Variants in PHF20L1 observed in about 807,000 individuals in gnomAD.
PHF20L1 encodes the protein PHD finger protein 20 like 1.
A neutral mutation model predicts 125.5 loss-of-function variants in PHF20L1; 44 were observed. That is an observed-to-expected ratio of 0.35 (90% CI 0.28 to 0.45). PHF20L1 has a LOEUF of 0.45. PHF20L1 is among the 20% of genes least tolerant of loss of function. PHF20L1 has a pLI of 1.00. For missense variants in PHF20L1, 1,012 were observed against 1,217.2 expected (o/e 0.83, Z 2.51); for synonymous variants, 380 against 403.1 (o/e 0.94, Z 0.69).
At chr8:132,821,523 T>G (rs1835594490) in intron 12 of PHF20L1, among the ~76,000 whole-genome samples, 1 of 151,938 alleles carries the variant, frequency 6.6e-6, no homozygotes, top group African/African-American at 2.4e-5. Context: ...TGTTTTTCAG[T>G]TTATTTTCCA....
intron 6 of PHF20L1, among the ~76,000 whole-genome samples, chr8:132,800,399 G>C (rs769970421): frequency 1.3e-5 from 2 of 151,464 alleles, no homozygotes; most frequent in Non-Finnish European, 3.0e-5. Flanking sequence ...TTGTAGAATT[G>C]TGTTTTATAA....
chr8:132,830,961 C>T lies in PHF20L1; in HGVS notation c.1745-1274C>T, dbSNP rs182173284. ...ATCTTGATAATGCCGTCTTAGCTCT[C>T]GGCCTCCAGTCTATAACAGCACTCC... On this transcript the variant is annotated intron_variant, in intron 14 of 20. Transcript: ENST00000395386. Among the ~76,000 whole-genome samples the T allele has an allele frequency of 1.5e-4, 23 of 152,152 alleles. 1 individual carries two copies. The highest frequency in any genetic ancestry group is 1.1e-3 in the Admixed American group (17 of 15,266).
intron 2 of PHF20L1, among the ~76,000 whole-genome samples, chr8:132,781,025 T>A (rs934494766): frequency 6.6e-6 from 1 of 151,934 alleles, no homozygotes; most frequent in Non-Finnish European, 1.5e-5. Context: ...AAAAAAAAAT[T>A]TTTTTTGTAG....
intron 20 of PHF20L1, among the ~76,000 whole-genome samples, chr8:132,845,218 T>G (rs1170496762): frequency 6.6e-6 from 1 of 152,134 alleles, no homozygotes; most frequent in Non-Finnish European, 1.5e-5. Context: ...TATAATCAAT[T>G]GCATTCTGCC....
intron 18 of PHF20L1, among the ~76,000 whole-genome samples, chr8:132,840,542 A>G (rs954983131): frequency 3.3e-5 from 5 of 152,086 alleles, no homozygotes; most frequent in East Asian, 1.9e-4. Flanking sequence ...CTGTTGCCCA[A>G]TGGACTGAGT....
intron 17 of PHF20L1, among the ~76,000 whole-genome samples, chr8:132,839,002 G>T (rs1351326252): frequency 6.6e-6 from 1 of 152,266 alleles, no homozygotes; most frequent in Non-Finnish European, 1.5e-5. Context: ...CACTCAGCTA[G>T]AACTCTATGG....
intron 2 of PHF20L1, among the ~76,000 whole-genome samples, chr8:132,782,653 T>C (rs1830560655): frequency 6.6e-6 from 1 of 152,124 alleles, no homozygotes. Flanking sequence ...AGATCATGAC[T>C]TGAAGCAGCC....
At chr8:132,808,432 C>T (rs1234033921) in intron 8 of PHF20L1, 1 of 151,844 alleles carries the variant, frequency 6.6e-6, no homozygotes, top group African/African-American at 2.4e-5. Context: ...TCTATTTCAT[C>T]TATTGAGTAT....
At chr8:132,805,695 C>G (rs1833608599) in intron 8 of PHF20L1, among the ~76,000 whole-genome samples, 1 of 151,868 alleles carries the variant, frequency 6.6e-6, no homozygotes. Context: ...TGACCATTTT[C>G]TGAAGAGAGG....
intron 14 of PHF20L1, among the ~76,000 whole-genome samples, chr8:132,828,414 A>T (rs1204651583): frequency 6.6e-6 from 1 of 151,960 alleles, no homozygotes; most frequent in African/African-American, 2.4e-5. Context: ...AAGCAGTCTG[A>T]CTTACAAGTC....
intron 8 of PHF20L1, chr8:132,808,688 G>A (rs1359482807): frequency 6.6e-6 from 1 of 151,772 alleles, no homozygotes; most frequent in Non-Finnish European, 1.5e-5. Context: ...ATTCAGTACT[G>A]TATCTTTTTC....
Position 132,845,878 on chromosome 8 carries a change from T to G in PHF20L1, c.3009T>G (p.Ile1003Met). Reference sequence around the variant, plus strand: ...AACGCCACATAAAACAGCTCCTAATTGACATGGGCAAAGTACAGCAGATAG... The same window carrying G: ...AACGCCACATAAAACAGCTCCTAATGGACATGGGCAAAGTACAGCAGATAG... ...QLKRHIKQLL[I>M]DMGKVQQIAT... Residue 1003 changes from isoleucine (I) to methionine (M), a missense_variant, in exon 21 of 21, where the codon ATT (isoleucine) becomes ATG (methionine). Ile to Met is a conservative substitution (Grantham distance 10). Around this residue, in one of 7 missense-constraint regions of PHF20L1, gnomAD observed 277 missense variants for 283.6 expected, o/e 0.98. Transcript: ENST00000395386. 1 of 1,612,394 alleles carries G rather than the reference T, an allele frequency of 6.2e-7. No homozygotes were observed. Among genetic ancestry groups the G allele is most frequent in the Non-Finnish European group, 8.5e-7 (1 of 1,178,788 alleles).
intron 4 of PHF20L1, among the ~76,000 whole-genome samples, chr8:132,797,155 T>C (rs1201290065): frequency 6.6e-6 from 1 of 152,064 alleles, no homozygotes; most frequent in Non-Finnish European, 1.5e-5. Context: ...TATTGGCAGA[T>C]ACTATTTGTT....
At chr8:132,775,988 C>G (rs1415872359) in intron 1 of PHF20L1, among the ~76,000 whole-genome samples, 1 of 152,158 alleles carries the variant, frequency 6.6e-6, no homozygotes. Context: ...CATTGTCGGT[C>G]TCTATGTCTT....
Position 132,837,830 on chromosome 8 carries a change from T to A in PHF20L1, c.2191+19T>A. ...CCACCAGGTAAGGCTTTCTGTGCCG[T>A]GCTGATTGCCAGGATGCCTCTATGT... On this transcript the variant is annotated intron_variant, in intron 17 of 20. Coordinates refer to ENST00000395386, the MANE Select transcript of PHF20L1 (RefSeq NM_016018.5). 1 of 1,561,800 alleles carries A rather than the reference T, an allele frequency of 6.4e-7. No individual in the cohort carries two copies. The highest frequency in any genetic ancestry group is 1.1e-5 in the South Asian group (1 of 90,066).
rs535937611 is a variant in PHF20L1 at position 132,804,754 on chromosome 8, A to ATT, written c.847+23_847+24dup. The ATT allele has an allele frequency of 1.0e-5, 15 of 1,446,692 alleles. No individual in the cohort carries two copies. Among genetic ancestry groups the ATT allele is most frequent in the Admixed American group, 6.2e-5 (3 of 48,220 alleles). The allele number at this position is 1,446,692 out of a possible 1,614,324, so 89.6% of individuals were successfully genotyped here. On this transcript the variant is annotated intron_variant, in intron 8 of 20. Transcript: ENST00000395386. ...ACAAGATTACTGGTAAACTACAATG[A>ATT]TTTTTTTTTTGAGGGGGGGAAATGG...
chr8:132,791,481 G>A (rs563000571), intron 2 of PHF20L1, among the ~76,000 whole-genome samples: 45 of 152,040 alleles, frequency 3.0e-4, no homozygotes, highest in Admixed American at 2.6e-3. Context: ...TCAAACTCCC[G>A]ACCTCAGGTG....
chr8:132,819,239 G>C (rs1835318381), intron 12 of PHF20L1, among the ~76,000 whole-genome samples: 1 of 151,860 alleles, frequency 6.6e-6, no homozygotes, highest in Admixed American at 6.6e-5. Context: ...AGGTAGAGAG[G>C]AGTTTAGCTA....
chr8:132,836,594 G>C lies in PHF20L1; in HGVS notation c.1964G>C (p.Ser655Thr). 1 of 1,612,338 alleles carries C rather than the reference G, an allele frequency of 6.2e-7. No individual in the cohort carries two copies. The highest frequency in any genetic ancestry group is 8.5e-7 in the Non-Finnish European group (1 of 1,178,646). The stretch of plus-strand genomic sequence containing the variant: ...TCTTCAACGGAGAGTTTGCTTCTGA[G>C]TGGGGATGAATACAATCAGGACTTT... ...DDSSTESLLL[S>T]GDEYNQDFDS... Residue 655 changes from serine to threonine, a missense_variant, in exon 16 of 21, where the codon AGT becomes ACT. Ser to Thr is a moderately conservative substitution (Grantham distance 58). Coordinates refer to ENST00000395386, the MANE Select transcript of PHF20L1 (RefSeq NM_016018.5).
Sources: allele counts gnomAD v4.1 joint callset (sites outside exome capture counted in the v4.1 genomes callset), GRCh38; gene constraint gnomAD v4.1.1; regional missense constraint gnomAD v4.1.1; transcripts MANE v1.5; gene names NCBI Gene and HGNC (gene_info 2026-07-23, HGNC 2026-07-21).